Variants in DYNC2H1 observed in about 807,000 individuals in gnomAD.
DYNC2H1 encodes cytoplasmic dynein 2 heavy chain 1.
DYNC2H1 carries 410 observed loss-of-function variants against 570.0 expected under a neutral mutation model. That is an observed-to-expected ratio of 0.72 (90% confidence interval 0.66 to 0.78). The LOEUF is 0.78. Among genes scored for constraint, DYNC2H1 ranks in the 30% least tolerant of loss-of-function variants. The pLI is 0.00. For synonymous variants in DYNC2H1, 1,688 were observed against 1,677.6 expected, an observed-to-expected ratio of 1.01 and a Z score of -0.15; for missense variants, 4,865 against 5,046.4, an observed-to-expected ratio of 0.96 and a Z score of 1.09.
rs1208985557 is a variant in DYNC2H1 at position 103,120,963 on chromosome 11, G to T, written c.1287G>T (p.Lys429Asn). Residue 429 changes from lysine to asparagine, a missense_variant, in exon 9 of 89, where the codon AAG becomes AAT. Physicochemically the swap from Lys to Asn is moderately conservative, Grantham distance 94 (BLOSUM62 0). Transcript: ENST00000375735. ...TCCTGAAATATAAAGAGTTGGTAAA[G>T]CGTCCAACTATAAGCAAAGAATTGA... is the stretch of plus-strand genomic sequence containing the variant. ...QAFLKYKELV[K>N]RPTISKELML... 2 of 1,568,964 alleles carry T rather than the reference G, an allele frequency of 1.3e-6. No homozygotes were observed. The highest frequency in any genetic ancestry group is 1.7e-6 in the Non-Finnish European group (2 of 1,159,626).
chr11:103,287,417 G>T, intron 74 of DYNC2H1, 116 bp from the exon 75 acceptor site: 1 of 801,410 alleles, frequency 1.2e-6, no homozygotes, highest in Non-Finnish European at 2.0e-6. Flanking sequence ...ATGGAACAAT[G>T]ATAAGTGTTC....
intron 39 of DYNC2H1, among the ~76,000 whole-genome samples, chr11:103,179,807 T>C (rs1861775591): frequency 6.6e-6 from 1 of 151,716 alleles, no homozygotes; most frequent in Non-Finnish European, 1.5e-5. Context: ...TTAGATATCA[T>C]GTAAAATAGT....
chr11:103,204,786 T>G lies in DYNC2H1; in HGVS notation c.8312-36T>G. ...TCTTTAACCCAGACCACGTATAGAT[T>G]GCCTGATTGTATTATTATTCTTATA... On this transcript the variant is annotated intron_variant, in intron 51 of 88. Transcript: ENST00000375735. This position sits in a 1 kb window ranked among gnomAD's most constrained non-coding sequence, Gnocchi z 4.1. 6.5e-7 allele frequency: 1 copy of G among 1,534,668 alleles called. No homozygotes were observed. Among genetic ancestry groups the G allele is most frequent in the Non-Finnish European group, 8.8e-7 (1 of 1,133,122 alleles).
intron 79 of DYNC2H1, among the ~76,000 whole-genome samples, chr11:103,312,733 TG>T (rs1867658984): frequency 6.6e-6 from 1 of 152,102 alleles, no homozygotes. Context: ...AAGAACAATT[TG>T]TGACCCATTA....
At chr11:103,202,005 C>G (rs1241733030) in intron 50 of DYNC2H1, among the ~76,000 whole-genome samples, 1 of 152,118 alleles carries the variant, frequency 6.6e-6, no homozygotes, top group African/African-American at 2.4e-5. Flanking sequence ...CATGCTAGTG[C>G]TCTGAGGAGA....
intron 85 of DYNC2H1, among the ~76,000 whole-genome samples, chr11:103,449,692 ATTGT>A (rs35944639): frequency 0.36 from 53,903 of 151,706 alleles, 10,123 homozygotes; most frequent in African/African-American, 0.48. Context: ...TAATTAGAAT[ATTGT>A]TTAATTAAAA....
intron 83 of DYNC2H1, among the ~76,000 whole-genome samples, chr11:103,399,005 C>T (rs1158587627): frequency 3.3e-5 from 5 of 151,988 alleles, no homozygotes; most frequent in East Asian, 1.9e-4. Flanking sequence ...TTGTAGTGGT[C>T]GAGTAGTATT....
chr11:103,346,490 C>A (rs775129731), intron 82 of DYNC2H1, among the ~76,000 whole-genome samples: 1 of 152,084 alleles, frequency 6.6e-6, no homozygotes, highest in Non-Finnish European at 1.5e-5. Flanking sequence ...GAATACTTTT[C>A]ATATTTTGAG....
chr11:103,408,148 G>A (rs1942941540), intron 84 of DYNC2H1: 1 of 151,934 alleles, frequency 6.6e-6, no homozygotes, highest in Admixed American at 6.6e-5. Context: ...GAAAGGGCCA[G>A]GGTTGGAACA....
chr11:103,350,792 G>C (rs1565518273), intron 82 of DYNC2H1, among the ~76,000 whole-genome samples: 1 of 152,148 alleles, frequency 6.6e-6, no homozygotes, highest in East Asian at 1.9e-4. Context: ...GAGGTCTCCA[G>C]TGTCTCTTCT....
At chr11:103,257,193 A>G (rs1218789720) in intron 68 of DYNC2H1, among the ~76,000 whole-genome samples, 1 of 152,142 alleles carries the variant, frequency 6.6e-6, no homozygotes, top group African/African-American at 2.4e-5. Flanking sequence ...AGCCCCTTCC[A>G]GCATGTGAGA....
chr11:103,307,421 G>A (rs1387381024), intron 77 of DYNC2H1, among the ~76,000 whole-genome samples: 1 of 152,042 alleles, frequency 6.6e-6, no homozygotes, highest in Admixed American at 6.6e-5. Context: ...TTTGTGATAG[G>A]TGCTATTATT....
intron 82 of DYNC2H1, among the ~76,000 whole-genome samples, chr11:103,343,048 T>C (rs1257398396): frequency 3.9e-5 from 6 of 152,118 alleles, no homozygotes; most frequent in Non-Finnish European, 5.9e-5. Flanking sequence ...AAGACATGGG[T>C]ATCAGGCTTT....
chr11:103,124,981 A>C, intron 11 of DYNC2H1, 119 bp from the exon 12 acceptor site: 1 of 679,270 alleles, frequency 1.5e-6, no homozygotes, highest in South Asian at 2.6e-5. Context: ...ATAATTAAAA[A>C]GTTTTTTTTT....
At chr11:103,142,932 T>C (rs1860034285) in intron 17 of DYNC2H1, among the ~76,000 whole-genome samples, 1 of 152,226 alleles carries the variant, frequency 6.6e-6, no homozygotes, top group Non-Finnish European at 1.5e-5. Context: ...CTAGGATGAA[T>C]CTGGACCCTT....
intron 70 of DYNC2H1, among the ~76,000 whole-genome samples, chr11:103,269,256 T>A (rs1227280285): frequency 1.3e-5 from 2 of 152,292 alleles, no homozygotes; most frequent in South Asian, 2.1e-4. Flanking sequence ...TAATATTAAA[T>A]TCAACATTCC....
intron 84 of DYNC2H1, among the ~76,000 whole-genome samples, chr11:103,416,156 G>A (rs905300143): frequency 6.6e-6 from 1 of 152,166 alleles, no homozygotes; most frequent in African/African-American, 2.4e-5. Flanking sequence ...GTCCCAGGCT[G>A]GGGGGCTGAG....
chr11:103,403,934 G>A (rs1200117839), intron 84 of DYNC2H1: 2 of 151,952 alleles, frequency 1.3e-5, no homozygotes, highest in African/African-American at 4.8e-5. Context: ...CGTAGGGATG[G>A]GAGGGCAATT....
chr11:103,287,310 T>G (rs527332759), intron 74 of DYNC2H1, among the ~76,000 whole-genome samples: 1 of 152,198 alleles, frequency 6.6e-6, no homozygotes, highest in Non-Finnish European at 1.5e-5. Flanking sequence ...CTGTTTACTT[T>G]TGATGATAGG....
Sources: gnomAD v4.1 joint callset for allele counts (sites outside exome capture counted in the v4.1 genomes callset) on GRCh38, gnomAD v4.1.1 for gene constraint, Gnocchi (gnomAD v3.1) non-coding constraint, MANE v1.5 for transcripts, NCBI Gene and HGNC (gene_info 2026-07-23, HGNC 2026-07-21) for gene names.